PHC3: variants seen among roughly 807,000 people sequenced by gnomAD.
PHC3 encodes polyhomeotic-like protein 3.
In PHC3, 13 loss-of-function variants were observed where a neutral mutation model predicts 107.4. That is an observed-to-expected ratio of 0.12 (90% CI 0.08 to 0.19). The LOEUF (loss-of-function observed/expected upper bound fraction) is 0.19, where lower values mean the gene tolerates loss of function less well. Among genes scored for constraint, PHC3 ranks in the 10% least tolerant of loss-of-function variants. The pLI is 1.00. For missense variants in PHC3, 992 were observed against 1,210.9 expected (o/e 0.82, Z 2.68); for synonymous variants, 456 against 427.4 (o/e 1.07, Z -0.83).
At chr3:170,113,289 A>AATCCACAT in intron 11 of PHC3, 71 bp downstream of exon 11, 1 of 1,412,954 alleles carries the variant, frequency 7.1e-7, no homozygotes, top group East Asian at 2.4e-5. Context: ...ACAGAATAAA[A>AATCCACAT]ATCCACATCC....
rs1244611494 is a variant in PHC3 at position 170,095,958 on chromosome 3, C to G, written c.*1272G>C. ...AAGGAAGTAGGAATGTGCATTCTAGCTAGTCCCAGCATGTTCAACAATAGA... is the reference window on the plus strand; with the variant it reads ...AAGGAAGTAGGAATGTGCATTCTAGGTAGTCCCAGCATGTTCAACAATAGA... On this transcript the variant is annotated 3_prime_UTR_variant, in exon 15 of 15. Transcript: ENST00000495893. 1 of 152,142 alleles carries G rather than the reference C, an allele frequency of 6.6e-6. No individual in the cohort carries two copies. The highest frequency in any genetic ancestry group is 1.5e-5 in the Non-Finnish European group (1 of 68,030). The allele number at this position is 152,142 out of a possible 1,614,324, so 9.4% of individuals were successfully genotyped here.
intron 7 of PHC3, among the ~76,000 whole-genome samples, chr3:170,135,842 G>A (rs1200228700): frequency 6.6e-6 from 1 of 152,106 alleles, no homozygotes; most frequent in East Asian, 1.9e-4. Context: ...TTTTCAGTAT[G>A]AGAACCATGA....
At chr3:170,108,947 A>G (rs1717097812) in intron 11 of PHC3, among the ~76,000 whole-genome samples, 2 of 152,210 alleles carry the variant, frequency 1.3e-5, no homozygotes, top group African/African-American at 4.8e-5. Context: ...AGGAAATACC[A>G]AACAGAAATG....
intron 7 of PHC3, among the ~76,000 whole-genome samples, chr3:170,134,493 A>G (rs547259087): frequency 6.6e-6 from 1 of 152,216 alleles, no homozygotes; most frequent in East Asian, 1.9e-4. Flanking sequence ...CCCAGCTTGA[A>G]TATATTTATT....
intron 3 of PHC3, 120 bp downstream of exon 3, chr3:170,172,437 C>T (rs1411139008): frequency 9.3e-7 from 1 of 1,078,092 alleles, no homozygotes; most frequent in Non-Finnish European, 1.3e-6. Context: ...TATATTTCCT[C>T]CGGGAAAAAT....
chr3:170,179,401 CTTAGT>C (rs1380962397), intron 1 of PHC3, among the ~76,000 whole-genome samples: 2 of 152,138 alleles, frequency 1.3e-5, no homozygotes. Flanking sequence ...TGTTAACTAG[CTTAGT>C]TTAGTTTACC....
In PHC3 at chr3:170,097,932, G is replaced by C. The variant is rs1714846194; in HGVS notation, c.2834-548C>G. 6.6e-6 allele frequency among the ~76,000 whole-genome samples: 1 copy of C among 151,952 alleles called. No individual in the cohort carries two copies. The highest frequency in any genetic ancestry group is 1.9e-4 in the East Asian group (1 of 5,184). ...TTAAAATATTTTTATTGTTCACTCG[G>C]GACATATCAAATTTCTCAAGACTGT... On this transcript the variant is annotated intron_variant, in intron 14 of 14. Transcript: ENST00000495893. This position sits in a 1 kb window ranked among gnomAD's most constrained non-coding sequence, Gnocchi z 4.1.
chr3:170,117,721 G>C (rs1011891192), intron 9 of PHC3, among the ~76,000 whole-genome samples: 1 of 152,032 alleles, frequency 6.6e-6, no homozygotes, highest in African/African-American at 2.4e-5. Flanking sequence ...AATTGGGCCA[G>C]GCACAATGGC....
At chr3:170,145,397 C>T (rs775056893) in intron 6 of PHC3, 26 bp downstream of exon 6, 3 of 1,581,694 alleles carry the variant, frequency 1.9e-6, no homozygotes, top group Non-Finnish European at 1.7e-6. Context: ...TCTCAAGTAA[C>T]ACATTATGAA....
rs1011009559 is a variant in PHC3, at chr3:170,095,312, G to A, written c.*1918C>T. 3 of 152,096 alleles carry A rather than the reference G, an allele frequency of 2.0e-5. No individual in the cohort carries two copies. The highest frequency in any genetic ancestry group is 2.0e-4 in the Admixed American group (3 of 15,264). The allele number at this position is 152,096 out of a possible 1,614,324, so 9.4% of individuals were successfully genotyped here. On this transcript the variant is annotated 3_prime_UTR_variant, in exon 15 of 15. Coordinates refer to ENST00000495893, the MANE Select transcript of PHC3 (RefSeq NM_024947.4). ...ACAAGCTATCGTAGGTCTGGAACATGAGCCTTATATTATATTACATATTCT... is the reference window on the plus strand; with the variant it reads ...ACAAGCTATCGTAGGTCTGGAACATAAGCCTTATATTATATTACATATTCT...
chr3:170,146,999 T>C (rs1223974824), intron 5 of PHC3, among the ~76,000 whole-genome samples: 1 of 151,086 alleles, frequency 6.6e-6, no homozygotes. Flanking sequence ...TCTCCTGCAT[T>C]AGCCTCCCGA....
chr3:170,129,401 G>C lies in PHC3; in HGVS notation c.1071C>G (p.Asp357Glu). The change falls in exon 8 of 15, where the codon GAC (aspartate) becomes GAG (glutamate). Residue 357 changes from aspartate (D) to glutamate (E), a missense_variant. This residue lies in a region of PHC3 where 543 missense variants were observed against 590.8 expected (regional missense o/e 0.92). Transcript: ENST00000495893. ...GTATACAGTGCTGGGATGGGGGTGG[G>C]TCTTGAGTTGAATTCTGAAGTGTGA... ...QPITLQNSTQDPPPSQHCIPL... is the reference protein window; with the variant it reads ...QPITLQNSTQEPPPSQHCIPL... The C allele has an allele frequency of 2.5e-6, 4 of 1,613,892 alleles. No individual in the cohort carries two copies. Among genetic ancestry groups the C allele is most frequent in the Non-Finnish European group, 3.4e-6 (4 of 1,179,858 alleles).
rs758338434 is a variant in PHC3 at position 170,102,601 on chromosome 3, C to T, written c.2711G>A (p.Arg904His). The change falls in exon 14 of 15, where the codon CGT becomes CAT. Residue 904 changes from arginine to histidine, a missense_variant. Physicochemically the swap from Arg to His is conservative, Grantham distance 29. Transcript: ENST00000495893. Reference protein sequence around the residue: ...LRRQSERERERELRDVRIRKM... With the variant: ...LRRQSEREREHELRDVRIRKM... ...CCGAATTCTCACATCCCGAAGCTCA[C>T]GTTCTCTTTCCCGCTCGCTCTGCCT... is the stretch of plus-strand genomic sequence containing the variant. The T allele has an allele frequency of 5.9e-5, 95 of 1,613,830 alleles. No individual in the cohort carries two copies. The highest frequency in any genetic ancestry group is 7.9e-5 in the Non-Finnish European group (93 of 1,179,856).
chr3:170,177,487 C>T (rs545134569), intron 2 of PHC3, among the ~76,000 whole-genome samples: 6 of 152,176 alleles, frequency 3.9e-5, no homozygotes, highest in African/African-American at 1.4e-4. Flanking sequence ...CTGCCTCAGC[C>T]TCCCAAGTAG....
rs1302226707 is a variant in PHC3, at chr3:170,092,603, C to T, written c.*4627G>A. 1 of 152,198 alleles carries T rather than the reference C, an allele frequency of 6.6e-6. No homozygotes were observed. 9.4% of individuals were successfully genotyped at this position (152,198 alleles called of 1,614,324 possible). ...CCCAATTCTTAGACTGAGACACAACCTAGCAAATAAAATACTATCTTAAAA... is the reference window on the plus strand; with the variant it reads ...CCCAATTCTTAGACTGAGACACAACTTAGCAAATAAAATACTATCTTAAAA... On this transcript the variant is annotated 3_prime_UTR_variant, in exon 15 of 15. Coordinates refer to ENST00000495893, the MANE Select transcript of PHC3 (RefSeq NM_024947.4).
chr3:170,174,656 C>A (rs1281325113), intron 2 of PHC3, among the ~76,000 whole-genome samples: 2 of 152,116 alleles, frequency 1.3e-5, no homozygotes, highest in African/African-American at 4.8e-5. Flanking sequence ...GCCATAATGC[C>A]ATGAATCCTT....
rs1379427515 is a variant in PHC3, at chr3:170,161,555, G to A, written c.414+9818C>T. Among the ~76,000 whole-genome samples the A allele has an allele frequency of 6.6e-5, 10 of 152,200 alleles. 1 individual carries two copies. In the East Asian group the frequency reaches 1.3e-3, roughly 20 times the overall value. On this transcript the variant is annotated intron_variant, in intron 4 of 14. Coordinates refer to ENST00000495893, the MANE Select transcript of PHC3 (RefSeq NM_024947.4). Reference sequence around the variant, plus strand: ...CCTATGAGAATCTAATGCTGCCACTGATCTGACAGGAGGCAGAGCTCAGGC... The same window carrying A: ...CCTATGAGAATCTAATGCTGCCACTAATCTGACAGGAGGCAGAGCTCAGGC...
intron 11 of PHC3, 126 bp downstream of exon 11, chr3:170,113,234 G>T: frequency 1.2e-6 from 1 of 832,800 alleles, no homozygotes; most frequent in Non-Finnish European, 1.7e-6. Context: ...GTCAAATGGT[G>T]CATTATATGA....
At chr3:170,138,535 C>A (rs1723505112) in intron 6 of PHC3, among the ~76,000 whole-genome samples, 1 of 151,498 alleles carries the variant, frequency 6.6e-6, no homozygotes, top group South Asian at 2.1e-4. Context: ...ACTAAAAATA[C>A]AAAAATTAGC....
Sources: gnomAD v4.1 joint callset for allele counts (sites outside exome capture counted in the v4.1 genomes callset) on GRCh38, gnomAD v4.1.1 for gene constraint, gnomAD v4.1.1 regional missense constraint, Gnocchi (gnomAD v3.1) non-coding constraint, MANE v1.5 for transcripts, NCBI Gene and HGNC (gene_info 2026-07-23, HGNC 2026-07-21) for gene names.